SEZ6L: variants seen among roughly 807,000 people sequenced by gnomAD.
SEZ6L encodes seizure 6-like protein.
SEZ6L carries 37 observed loss-of-function variants against 106.2 expected under a neutral mutation model. The ratio of observed to expected loss-of-function variants is 0.35; its 90% CI spans 0.27 to 0.46. The LOEUF is 0.46. Ranked by LOEUF, SEZ6L falls within the 20% of genes least tolerant of loss-of-function variation. The probability of loss-of-function intolerance (pLI) is 1.00; values close to 1 mark genes in which losing one functional copy is unlikely to be tolerated. For missense variants in SEZ6L, 1,172 were observed against 1,332.8 expected (o/e 0.88, Z 1.88); for synonymous variants, 541 against 570.4 (o/e 0.95, Z 0.73).
chr22:26,223,777 A>C (rs945081041), intron 1 of SEZ6L, among the ~76,000 whole-genome samples: 160 of 152,174 alleles, frequency 1.1e-3, no homozygotes, highest in Non-Finnish European at 2.1e-4. Flanking sequence ...CAACAGTAAT[A>C]ATTATTATCA....
At chr22:26,218,496 A>G (rs780433796) in intron 1 of SEZ6L, among the ~76,000 whole-genome samples, 2 of 152,080 alleles carry the variant, frequency 1.3e-5, no homozygotes, top group Non-Finnish European at 2.9e-5. Context: ...TATATATATT[A>G]CTGAGACTTA....
intron 12 of SEZ6L, among the ~76,000 whole-genome samples, chr22:26,360,074 T>C (rs1192660811): frequency 6.6e-6 from 1 of 152,252 alleles, no homozygotes; most frequent in Non-Finnish European, 1.5e-5. Flanking sequence ...GATGAGTTAA[T>C]ATGTTAACCA....
intron 9 of SEZ6L, among the ~76,000 whole-genome samples, chr22:26,333,163 C>T (rs2082540406): frequency 6.6e-6 from 1 of 152,178 alleles, no homozygotes; most frequent in South Asian, 2.1e-4. Flanking sequence ...AATGGCTGCT[C>T]AGGCCCTTGA....
intron 1 of SEZ6L, among the ~76,000 whole-genome samples, chr22:26,171,922 T>C (rs953259942): frequency 3.3e-5 from 5 of 152,178 alleles, no homozygotes; most frequent in Admixed American, 2.6e-4. Context: ...ACCATTCACC[T>C]AACTCGTTGT....
At chr22:26,251,883 G>A (rs2079604372) in intron 1 of SEZ6L, among the ~76,000 whole-genome samples, 1 of 152,156 alleles carries the variant, frequency 6.6e-6, no homozygotes, top group Admixed American at 6.5e-5. Flanking sequence ...AAGTAAGTGG[G>A]GGTGTCCTGC....
chr22:26,176,663 T>C (rs1162628034), intron 1 of SEZ6L, among the ~76,000 whole-genome samples: 1 of 152,236 alleles, frequency 6.6e-6, no homozygotes, highest in Non-Finnish European at 1.5e-5. Flanking sequence ...TGGCCTGATA[T>C]ATAAAATGAG....
At chr22:26,222,109 A>G (rs1336717937) in intron 1 of SEZ6L, among the ~76,000 whole-genome samples, 1 of 152,080 alleles carries the variant, frequency 6.6e-6, no homozygotes, top group Non-Finnish European at 1.5e-5. Flanking sequence ...TTTAGAAATG[A>G]CGATTTCTGG....
At chr22:26,373,019 T>G (rs1049871743) in intron 13 of SEZ6L, among the ~76,000 whole-genome samples, 3 of 152,184 alleles carry the variant, frequency 2.0e-5, no homozygotes, top group Admixed American at 1.3e-4. Flanking sequence ...CAGCCCAGAC[T>G]GAAATCCTGC....
intron 10 of SEZ6L, among the ~76,000 whole-genome samples, chr22:26,344,671 G>A (rs991620122): frequency 6.6e-6 from 1 of 152,188 alleles, no homozygotes; most frequent in South Asian, 2.1e-4. Context: ...CATGACTTCA[G>A]ATCCCTACAT....
At chr22:26,373,357 G>T in intron 13 of SEZ6L, 94 bp from the exon 14 acceptor site, 3 of 1,047,436 alleles carry the variant, frequency 2.9e-6, no homozygotes, top group Non-Finnish European at 4.3e-6. Flanking sequence ...CCAAAGCATG[G>T]CATGGGCTTT....
intron 1 of SEZ6L, among the ~76,000 whole-genome samples, chr22:26,271,727 C>T (rs1409394244): frequency 1.3e-5 from 2 of 152,180 alleles, no homozygotes; most frequent in Non-Finnish European, 2.9e-5. Context: ...CCCCAGAAGC[C>T]CAGCAGATGC....
chr22:26,226,529 TATCTC>T (rs2078638750), intron 1 of SEZ6L, among the ~76,000 whole-genome samples: 2 of 152,238 alleles, frequency 1.3e-5, no homozygotes, highest in African/African-American at 4.8e-5. Context: ...TCAGTGCCCT[TATCTC>T]AGCTAGTAAA....
intron 13 of SEZ6L, among the ~76,000 whole-genome samples, chr22:26,370,727 G>A (rs1225143998): frequency 6.6e-6 from 1 of 152,036 alleles, no homozygotes; most frequent in African/African-American, 2.4e-5. Context: ...AAAAAGGCTG[G>A]GTGTGGTGGC....
In SEZ6L at chr22:26,381,958, G is replaced by T; in HGVS notation, c.*1663G>T. On this transcript the variant is annotated 3_prime_UTR_variant, in exon 17 of 17. Transcript: ENST00000248933. ...ATAGCAGGGAGTCTATGTTTTGGTGGTTACATTGGAAACATCTTAAGCAAG... is the reference window on the plus strand; with the variant it reads ...ATAGCAGGGAGTCTATGTTTTGGTGTTTACATTGGAAACATCTTAAGCAAG... The T allele has an allele frequency of 2.0e-6, 1 of 510,640 alleles. No individual in the cohort carries two copies. The highest frequency in any genetic ancestry group is 3.9e-6 in the Non-Finnish European group (1 of 255,784). The allele number at this position is 510,640 out of a possible 1,614,324, so 31.6% of individuals were successfully genotyped here.
At chr22:26,289,523 C>A (rs2081041942) in intron 1 of SEZ6L, among the ~76,000 whole-genome samples, 1 of 152,128 alleles carries the variant, frequency 6.6e-6, no homozygotes, top group African/African-American at 2.4e-5. Context: ...TTCACTACTC[C>A]CCACCTTGGA....
At chr22:26,275,441 G>A (rs2080511368) in intron 1 of SEZ6L, among the ~76,000 whole-genome samples, 2 of 152,136 alleles carry the variant, frequency 1.3e-5, no homozygotes. Flanking sequence ...AATTTACAGT[G>A]GGTTAGTCAG....
chr22:26,349,660 C>T (rs1601582562), intron 11 of SEZ6L, among the ~76,000 whole-genome samples: 1 of 152,134 alleles, frequency 6.6e-6, no homozygotes, highest in East Asian at 1.9e-4. Flanking sequence ...ACAACCACAC[C>T]CAGCTAATTT....
rs542365338 is a variant in SEZ6L at position 26,277,130 on chromosome 22, T to C, written c.95-15276T>C. ...CTTTTTTTTTTTTTTTAATATAGCCTCTCTCTCAGCCAGGCTGGAGTACAG... is the reference window on the plus strand; with the variant it reads ...CTTTTTTTTTTTTTTTAATATAGCCCCTCTCTCAGCCAGGCTGGAGTACAG... On this transcript the variant is annotated intron_variant, in intron 1 of 16. Coordinates refer to ENST00000248933, the MANE Select transcript of SEZ6L (RefSeq NM_021115.5). Among the ~76,000 whole-genome samples the C allele has an allele frequency of 3.4e-5, 5 of 146,746 alleles. 1 individual carries two copies. In the South Asian group the frequency reaches 1.1e-3, roughly 33 times the overall value.
At chr22:26,274,455 T>C (rs996283581) in intron 1 of SEZ6L, among the ~76,000 whole-genome samples, 1 of 152,186 alleles carries the variant, frequency 6.6e-6, no homozygotes, top group Non-Finnish European at 1.5e-5. Context: ...TCATCAAAGA[T>C]GATTCGAGTA....
Sources: gnomAD v4.1 joint callset for allele counts (sites outside exome capture counted in the v4.1 genomes callset) on GRCh38, gnomAD v4.1.1 for gene constraint, MANE v1.5 for transcripts, NCBI Gene and HGNC (gene_info 2026-07-23, HGNC 2026-07-21) for gene names.